The following GPA33 variants were observed in gnomAD, a reference collection of about 807,000 sequenced individuals.
The protein encoded by GPA33 is cell surface A33 antigen.
In GPA33, 27 loss-of-function variants were observed where a neutral mutation model predicts 35.6. The observed-to-expected ratio is 0.76, with a 90% CI of 0.56 to 1.04. GPA33 has a LOEUF of 1.04. Among genes scored for constraint, GPA33 ranks in the 50% least tolerant of loss-of-function variants. The pLI, the probability that GPA33 is intolerant of heterozygous loss-of-function variation, is 0.00. For missense variants in GPA33, 428 were observed against 411.9 expected, an observed-to-expected ratio of 1.04 and a Z score of -0.34; for synonymous variants, 176 against 164.0, an observed-to-expected ratio of 1.07 and a Z score of -0.56.
chr1:167,063,486 G>A (rs1044336464), intron 4 of GPA33, 96 bp downstream of exon 4: 2 of 1,075,936 alleles, frequency 1.9e-6, no homozygotes, highest in East Asian at 2.4e-5. Context: ...CCTTCAGGGG[G>A]ATCTGATCGG....
At chr1:167,068,315 T>A (rs529076342) in intron 3 of GPA33, among the ~76,000 whole-genome samples, 1 of 152,328 alleles carries the variant, frequency 6.6e-6, no homozygotes, top group East Asian at 1.9e-4. Flanking sequence ...TCTCTGGGCT[T>A]CATCTACAAA....
At chr1:167,074,151 T>A (rs920607682) in intron 1 of GPA33, among the ~76,000 whole-genome samples, 1 of 151,314 alleles carries the variant, frequency 6.6e-6, no homozygotes, top group Non-Finnish European at 1.5e-5. Context: ...CACACTAGCA[T>A]ATTTTATCAC....
rs1666654687 is a variant in GPA33, at chr1:167,068,908, A to G, written c.415+14T>C. The G allele has an allele frequency of 6.2e-7, 1 of 1,603,130 alleles. No homozygotes were observed. The highest frequency in any genetic ancestry group is 8.5e-7 in the Non-Finnish European group (1 of 1,171,640). ...CCTCTTCCTACAACTCCTGAAAGAC[A>G]TGAAGACACTCACCGAGGACCAACA... is the stretch of plus-strand genomic sequence containing the variant. On this transcript the variant is annotated intron_variant, in intron 3 of 6. Coordinates refer to ENST00000367868, the MANE Select transcript of GPA33 (RefSeq NM_005814.3).
intron 3 of GPA33, among the ~76,000 whole-genome samples, chr1:167,064,239 G>A (rs1316225193): frequency 3.3e-5 from 5 of 151,992 alleles, no homozygotes; most frequent in Non-Finnish European, 5.9e-5. Flanking sequence ...AGCTGAGATC[G>A]TGCCATAGCA....
At position 167,054,018 on chromosome 1, in the gene GPA33, C is replaced by T. The variant is rs1001722410; in HGVS notation, c.*316G>A. The T allele has an allele frequency of 2.6e-5, 10 of 383,508 alleles. No homozygotes were observed. Among genetic ancestry groups the T allele is most frequent in the South Asian group, 5.8e-5 (2 of 34,554 alleles). 23.8% of individuals were successfully genotyped at this position (383,508 alleles called of 1,614,324 possible). On this transcript the variant is annotated 3_prime_UTR_variant, in exon 7 of 7. Coordinates refer to ENST00000367868, the MANE Select transcript of GPA33 (RefSeq NM_005814.3). ...CTGAGTGGGAGCGCCCCATGCTCAG[C>T]GCTGTGCTTCCAGGAGCTCCTGCCA...
chr1:167,054,896 A>G, intron 6 of GPA33, 80 bp downstream of exon 6: 1 of 1,504,434 alleles, frequency 6.6e-7, no homozygotes, highest in Non-Finnish European at 9.2e-7. Context: ...TGCTGCAAGT[A>G]GAAGAGGCTG....
At chr1:167,086,283 C>T (rs944989446) in intron 1 of GPA33, among the ~76,000 whole-genome samples, 3 of 152,230 alleles carry the variant, frequency 2.0e-5, no homozygotes, top group Non-Finnish European at 4.4e-5. Flanking sequence ...GCAACAGGAC[C>T]CAGGGCCACA....
At chr1:167,061,525 T>G (rs1268727293) in intron 4 of GPA33, among the ~76,000 whole-genome samples, 1 of 151,894 alleles carries the variant, frequency 6.6e-6, no homozygotes, top group Non-Finnish European at 1.5e-5. Flanking sequence ...AACTGGAAGC[T>G]TGTTGAAAAC....
chr1:167,064,970 G>A (rs753744757), intron 3 of GPA33, among the ~76,000 whole-genome samples: 2 of 152,156 alleles, frequency 1.3e-5, no homozygotes, highest in Admixed American at 6.5e-5. Context: ...TACCCAGAAC[G>A]GCAGCCACCC....
chr1:167,084,123 A>G (rs574550363), intron 1 of GPA33, among the ~76,000 whole-genome samples: 1 of 152,246 alleles, frequency 6.6e-6, no homozygotes, highest in East Asian at 1.9e-4. Context: ...CTTTATCCTA[A>G]TAGTCATGGG....
intron 3 of GPA33, among the ~76,000 whole-genome samples, chr1:167,068,556 C>T (rs1666648389): frequency 1.3e-5 from 2 of 152,208 alleles, no homozygotes; most frequent in East Asian, 1.9e-4. Flanking sequence ...TGATGTGGCC[C>T]CCTGAGCACC....
chr1:167,056,794 C>CATATGGTGAGTGTGTGTTGT (rs1261442199), intron 4 of GPA33, among the ~76,000 whole-genome samples: 1 of 2,546 alleles, frequency 3.9e-4, no homozygotes, highest in Non-Finnish European at 8.5e-4. Context: ...TAGTGTGGTG[C>CATATGGTGAGTGTGTGTTGT]GTGTGGTGTG....
At chr1:167,083,311 G>C (rs1289090909) in intron 1 of GPA33, among the ~76,000 whole-genome samples, 1 of 152,242 alleles carries the variant, frequency 6.6e-6, no homozygotes, top group East Asian at 1.9e-4. Context: ...AGAAGCAAGT[G>C]AGATTAGGAA....
In GPA33 at chr1:167,087,908, T is replaced by TCACACACACACA. The variant is rs1491326252; in HGVS notation, c.43+2336_43+2337insTGTGTGTGTGTG. 5.7e-3 allele frequency among the ~76,000 whole-genome samples: 856 copies of TCACACACACACA among 149,164 alleles called. 11 individuals carry two copies. Among genetic ancestry groups the TCACACACACACA allele is most frequent in the African/African-American group, 0.016 (658 of 40,106 alleles). On this transcript the variant is annotated intron_variant, in intron 1 of 6. Transcript: ENST00000367868. Reference sequence around the variant, plus strand: ...TCCAGCCTGAGCAAGCCAGACTCTGTCTCACACACACACACACACACACAA... The same window carrying TCACACACACACA: ...TCCAGCCTGAGCAAGCCAGACTCTGTCACACACACACACTCACACACACACACACACACACAA...
At chr1:167,081,497 A>G (rs548665080) in intron 1 of GPA33, among the ~76,000 whole-genome samples, 1 of 152,272 alleles carries the variant, frequency 6.6e-6, no homozygotes, top group African/African-American at 2.4e-5. Flanking sequence ...GCAGGGAGGG[A>G]GGTGGTTTAG....
chr1:167,080,290 A>G (rs952097685), intron 1 of GPA33, among the ~76,000 whole-genome samples: 5 of 152,192 alleles, frequency 3.3e-5, no homozygotes, highest in Non-Finnish European at 5.9e-5. Flanking sequence ...ATAATGTATC[A>G]ATGTGTTAAC....
rs1571311609 is a variant in GPA33, at chr1:167,068,798, G to A, written c.415+124C>T. The A allele has an allele frequency of 1.2e-5, 8 of 661,374 alleles. 1 individual carries two copies. In the East Asian group the frequency reaches 1.4e-4, roughly 11 times the overall value. 41.0% of individuals were successfully genotyped at this position (661,374 alleles called of 1,614,324 possible). On this transcript the variant is annotated intron_variant, in intron 3 of 6. Transcript: ENST00000367868. ...TCCCTCTGCTGAAGACAGCCTGGAC[G>A]AGGTGAGGAGTCTTAGCTCCTTGTT... is the stretch of plus-strand genomic sequence containing the variant.
rs1415557603 is a variant in GPA33, at chr1:167,054,317, C to T, written c.*17G>A. On this transcript the variant is annotated 3_prime_UTR_variant, in exon 7 of 7. Coordinates refer to ENST00000367868, the MANE Select transcript of GPA33 (RefSeq NM_005814.3). ...GAACCCCTAACCCTTCCTCCGCCGCCCTCTGCTGCTGGCCTGTCACTGGTC... is the reference window on the plus strand; with the variant it reads ...GAACCCCTAACCCTTCCTCCGCCGCTCTCTGCTGCTGGCCTGTCACTGGTC... The T allele has an allele frequency of 1.2e-6, 2 of 1,613,866 alleles. No individual in the cohort carries two copies. Among genetic ancestry groups the T allele is most frequent in the Non-Finnish European group, 1.7e-6 (2 of 1,179,936 alleles).
At chr1:167,064,848 C>T (rs148599731) in intron 3 of GPA33, among the ~76,000 whole-genome samples, 142 of 152,116 alleles carry the variant, frequency 9.3e-4, no homozygotes, top group African/African-American at 3.3e-3. Context: ...GGATGATGGG[C>T]GGACCCACAG....
Sources: allele counts gnomAD v4.1 joint callset (sites outside exome capture counted in the v4.1 genomes callset), GRCh38; gene constraint gnomAD v4.1.1; transcripts MANE v1.5; gene names NCBI Gene and HGNC (gene_info 2026-07-23, HGNC 2026-07-21).